LHFPL3: variants seen among roughly 807,000 people sequenced by gnomAD.
LHFPL3 encodes the protein LHFPL tetraspan subfamily member 3 protein.
In LHFPL3, 5 loss-of-function variants were observed where a neutral mutation model predicts 19.3. The ratio of observed to expected loss-of-function variants is 0.26; its 90% CI spans 0.14 to 0.54. The LOEUF is 0.54. Among genes scored for constraint, LHFPL3 ranks in the 20% least tolerant of loss-of-function variants. The probability of loss-of-function intolerance (pLI) is 0.94; values close to 1 mark genes in which losing one functional copy is unlikely to be tolerated. For missense variants in LHFPL3, 249 were observed against 307.4 expected (o/e 0.81, Z 1.42); for synonymous variants, 133 against 126.2 (o/e 1.05, Z -0.36).
At chr7:104,650,050 C>A (rs1199014243) in intron 1 of LHFPL3, among the ~76,000 whole-genome samples, 1 of 152,144 alleles carries the variant, frequency 6.6e-6, no homozygotes, top group African/African-American at 2.4e-5. Context: ...TTATCAAGGG[C>A]CCTGTTTTAT....
At chr7:104,646,196 T>C (rs1584458881) in intron 1 of LHFPL3, among the ~76,000 whole-genome samples, 1 of 152,292 alleles carries the variant, frequency 6.6e-6, no homozygotes, top group Middle Eastern at 3.4e-3. Flanking sequence ...CTAAGTACAT[T>C]ATGTGCACCA....
intron 1 of LHFPL3, among the ~76,000 whole-genome samples, chr7:104,662,685 T>C (rs73181837): frequency 0.086 from 13,136 of 152,202 alleles, 762 homozygotes; most frequent in Non-Finnish European, 0.12. Context: ...GCAAAGAGGG[T>C]AAATGCGGGT....
intron 2 of LHFPL3, among the ~76,000 whole-genome samples, chr7:104,790,409 C>G (rs931135379): frequency 6.6e-6 from 1 of 152,176 alleles, no homozygotes; most frequent in Non-Finnish European, 1.5e-5. Flanking sequence ...GGTCCTATCT[C>G]CTGTCTGAAA....
At chr7:104,816,287 A>G (rs568443552) in intron 2 of LHFPL3, among the ~76,000 whole-genome samples, 1 of 152,220 alleles carries the variant, frequency 6.6e-6, no homozygotes. Context: ...TCTCATACCT[A>G]TTACAGAAAC....
At chr7:104,760,554 T>C (rs1336189709) in intron 2 of LHFPL3, among the ~76,000 whole-genome samples, 2 of 152,222 alleles carry the variant, frequency 1.3e-5, no homozygotes, top group East Asian at 1.9e-4. Flanking sequence ...TATTTACTTT[T>C]GAAAAATTCA....
chr7:104,856,987 C>T (rs1021099371), intron 2 of LHFPL3, among the ~76,000 whole-genome samples: 2 of 152,212 alleles, frequency 1.3e-5, no homozygotes. Context: ...ATAATAACAG[C>T]TAACAGAATC....
chr7:104,751,979 G>T (rs937587960), intron 2 of LHFPL3, among the ~76,000 whole-genome samples: 7 of 152,068 alleles, frequency 4.6e-5, no homozygotes, highest in Admixed American at 2.6e-4. Context: ...TGGTGCTGGG[G>T]GCATTCCTGG....
At chr7:104,403,942 T>C (rs1791367353) in intron 1 of LHFPL3, among the ~76,000 whole-genome samples, 1 of 152,214 alleles carries the variant, frequency 6.6e-6, no homozygotes, top group Non-Finnish European at 1.5e-5. Context: ...ATCTGAAAAC[T>C]ATGTGAAGTC....
chr7:104,565,161 T>C (rs1790094907), intron 1 of LHFPL3, among the ~76,000 whole-genome samples: 1 of 152,200 alleles, frequency 6.6e-6, no homozygotes, highest in South Asian at 2.1e-4. Context: ...AAATAAGTCT[T>C]TGAAATCACC....
chr7:104,679,313 T>A (rs2116079915), intron 1 of LHFPL3, among the ~76,000 whole-genome samples: 1 of 152,356 alleles, frequency 6.6e-6, no homozygotes, highest in Non-Finnish European at 1.5e-5. Context: ...CCCCCAGTAT[T>A]CATAATCCAA....
rs1337583054 is a variant in LHFPL3, at chr7:104,767,958, G to A, written c.682+31047G>A. 3.3e-5 allele frequency among the ~76,000 whole-genome samples: 5 copies of A among 152,056 alleles called. No homozygotes were observed. The East Asian group carries it at 7.7e-4, about 23-fold the overall frequency. On this transcript the variant is annotated intron_variant, in intron 2 of 2. Coordinates refer to ENST00000424859, the MANE Select transcript of LHFPL3 (RefSeq NM_199000.3). ...CTTTGCCTAAAAGCAAATATTTCCAGACTGTTTTCTATCCTCTCATCCTCA... is the reference window on the plus strand; with the variant it reads ...CTTTGCCTAAAAGCAAATATTTCCAAACTGTTTTCTATCCTCTCATCCTCA...
At chr7:104,520,205 CAT>C (rs1247768928) in intron 1 of LHFPL3, among the ~76,000 whole-genome samples, 4 of 152,110 alleles carry the variant, frequency 2.6e-5, no homozygotes, top group African/African-American at 9.7e-5. Context: ...TTGACATAAT[CAT>C]GTGGTTTTTG....
At chr7:104,348,027 A>G (rs1790104809) in intron 1 of LHFPL3, among the ~76,000 whole-genome samples, 1 of 152,022 alleles carries the variant, frequency 6.6e-6, no homozygotes, top group Admixed American at 6.6e-5. Context: ...TAACATACTG[A>G]TTTTTCCCAC....
At position 104,637,575 on chromosome 7, in the gene LHFPL3, G is replaced by A. The variant is rs79952604; in HGVS notation, c.446-99100G>A. Among the ~76,000 whole-genome samples the A allele has an allele frequency of 4.5e-3, 684 of 152,212 alleles. 42 individuals are homozygous for A. In the East Asian group the frequency reaches 0.11, roughly 25 times the overall value. On this transcript the variant is annotated intron_variant, in intron 1 of 2. Transcript: ENST00000424859. ...TTTTTGCTTATGGAGTACGGAAAGAGTTCAGTTTCAATCCTCTGCATATGA... is the reference window on the plus strand; with the variant it reads ...TTTTTGCTTATGGAGTACGGAAAGAATTCAGTTTCAATCCTCTGCATATGA...
intron 1 of LHFPL3, among the ~76,000 whole-genome samples, chr7:104,679,531 G>C (rs978213010): frequency 1.3e-5 from 2 of 152,198 alleles, no homozygotes; most frequent in African/African-American, 4.8e-5. Context: ...GCTTTCAGTT[G>C]TTAACTGGCT....
chr7:104,762,572 G>A (rs1393712350), intron 2 of LHFPL3, among the ~76,000 whole-genome samples: 3 of 152,156 alleles, frequency 2.0e-5, no homozygotes, highest in African/African-American at 7.2e-5. Context: ...CACAAGGCAA[G>A]GATTCATTCA....
intron 1 of LHFPL3, among the ~76,000 whole-genome samples, chr7:104,625,083 C>T (rs1305412782): frequency 2.0e-5 from 3 of 152,130 alleles, no homozygotes; most frequent in Non-Finnish European, 4.4e-5. Flanking sequence ...GGGTCTTTCC[C>T]ACTTCTAATT....
chr7:104,430,124 C>T (rs982912248), intron 1 of LHFPL3, among the ~76,000 whole-genome samples: 12 of 142,738 alleles, frequency 8.4e-5, no homozygotes, highest in African/African-American at 2.3e-4. Context: ...CAGTTAAAGA[C>T]GTTCTTTTAA....
At chr7:104,756,945 C>G (rs1482914175) in intron 2 of LHFPL3, among the ~76,000 whole-genome samples, 14 of 152,084 alleles carry the variant, frequency 9.2e-5, no homozygotes, top group Non-Finnish European at 2.1e-4. Flanking sequence ...TTTAAATGTG[C>G]CTTTAATATT....
Sources: gnomAD v4.1 joint callset for allele counts (sites outside exome capture counted in the v4.1 genomes callset) on GRCh38, gnomAD v4.1.1 for gene constraint, MANE v1.5 for transcripts, NCBI Gene and HGNC (gene_info 2026-07-23, HGNC 2026-07-21) for gene names.